The following ADGB variants were observed in gnomAD, a reference collection of about 807,000 sequenced individuals.
ADGB encodes androglobin.
A neutral mutation model predicts 210.5 loss-of-function variants in ADGB; 172 were observed. The observed-to-expected ratio is 0.82, with a 90% confidence interval of 0.72 to 0.93. The LOEUF is 0.93. ADGB is among the 40% of genes least tolerant of loss of function. The probability of loss-of-function intolerance (pLI) is 0.00; values close to 1 mark genes in which losing one functional copy is unlikely to be tolerated. For missense variants in ADGB, 2,025 were observed against 1,964.8 expected (o/e 1.03, Z -0.58); for synonymous variants, 658 against 662.7 (o/e 0.99, Z 0.11).
At chr6:146,625,113 A>G (rs1780953823) in intron 1 of ADGB, among the ~76,000 whole-genome samples, 1 of 152,026 alleles carries the variant, frequency 6.6e-6, no homozygotes, top group African/African-American at 2.4e-5. Flanking sequence ...TTTATCTTCT[A>G]TAGCCTTATT....
intron 5 of ADGB, among the ~76,000 whole-genome samples, chr6:146,658,203 A>G (rs1775810803): frequency 6.6e-6 from 1 of 152,140 alleles, no homozygotes; most frequent in African/African-American, 2.4e-5. Flanking sequence ...AATATCCAAA[A>G]TTGGATTTTT....
At chr6:146,738,603 C>G (rs557766496) in intron 23 of ADGB, among the ~76,000 whole-genome samples, 20 of 152,078 alleles carry the variant, frequency 1.3e-4, no homozygotes, top group Admixed American at 2.6e-4. Context: ...GTGCTACCAC[C>G]ATGCCCAGCT....
intron 27 of ADGB, among the ~76,000 whole-genome samples, chr6:146,762,121 G>A (rs1306735625): frequency 6.7e-6 from 1 of 150,302 alleles, no homozygotes; most frequent in Non-Finnish European, 1.5e-5. Flanking sequence ...GTCAAATAAG[G>A]TCACATTCTA....
At chr6:146,601,840 A>G (rs1466265352) in intron 1 of ADGB, among the ~76,000 whole-genome samples, 1 of 152,208 alleles carries the variant, frequency 6.6e-6, no homozygotes, top group East Asian at 1.9e-4. Flanking sequence ...CAACTAGCAC[A>G]TAAAAAAAGT....
Position 146,782,067 on chromosome 6 carries a change from T to C in ADGB, c.3910T>C (p.Ser1304Pro). ...GTTAATTAACTTAGGAAGCCCAGAC[T>C]CCCACACTATTAGTGAGGGACAAAA... ...EELINLGSPD[S>P]HTISEGQKSS... Residue 1304 changes from serine (S) to proline (P), a missense_variant, in exon 30 of 36, where the codon TCC becomes CCC. By Grantham distance (74) the Ser-to-Pro change is moderately conservative (BLOSUM62 -1). Transcript: ENST00000397944. 1 of 1,537,240 alleles carries C rather than the reference T, an allele frequency of 6.5e-7. No individual in the cohort carries two copies. Among genetic ancestry groups the C allele is most frequent in the Non-Finnish European group, 8.8e-7 (1 of 1,142,378 alleles).
intron 9 of ADGB, among the ~76,000 whole-genome samples, chr6:146,680,936 T>C (rs2114911553): frequency 6.6e-6 from 1 of 152,290 alleles, no homozygotes; most frequent in African/African-American, 2.4e-5. Flanking sequence ...AGCATGTGAA[T>C]TCTAAAGTTC....
intron 2 of ADGB, among the ~76,000 whole-genome samples, chr6:146,638,141 T>G (rs1255724945): frequency 6.6e-6 from 1 of 152,010 alleles, no homozygotes; most frequent in East Asian, 1.9e-4. Context: ...AAAAACCACA[T>G]GATTATCTCA....
chr6:146,776,403 T>A (rs1370339578), intron 29 of ADGB, among the ~76,000 whole-genome samples: 3 of 152,046 alleles, frequency 2.0e-5, no homozygotes, highest in Non-Finnish European at 4.4e-5. Context: ...CTAAATGAAA[T>A]TAGGAATTTA....
chr6:146,747,144 T>G (rs1353383701), intron 26 of ADGB, among the ~76,000 whole-genome samples: 1 of 152,174 alleles, frequency 6.6e-6, no homozygotes, highest in Non-Finnish European at 1.5e-5. Flanking sequence ...ATATAGGACC[T>G]AACACAGTGC....
At chr6:146,785,285 T>C (rs1054080045) in intron 31 of ADGB, among the ~76,000 whole-genome samples, 2 of 152,066 alleles carry the variant, frequency 1.3e-5, no homozygotes, top group East Asian at 3.9e-4. Context: ...ACTATTACCA[T>C]GTAAGTGCTT....
intron 5 of ADGB, among the ~76,000 whole-genome samples, chr6:146,663,352 G>A (rs1775893245): frequency 6.6e-6 from 1 of 151,416 alleles, no homozygotes; most frequent in Non-Finnish European, 1.5e-5. Flanking sequence ...TGAGATCAAG[G>A]CACTGGTAGA....
At chr6:146,674,651 G>A (rs761021105) in intron 8 of ADGB, among the ~76,000 whole-genome samples, 7 of 152,188 alleles carry the variant, frequency 4.6e-5, no homozygotes, top group African/African-American at 7.2e-5. Flanking sequence ...GGTGGAAGAT[G>A]TAGATTCTCA....
At chr6:146,778,860 A>G (rs978730513) in intron 29 of ADGB, among the ~76,000 whole-genome samples, 4 of 152,180 alleles carry the variant, frequency 2.6e-5, no homozygotes, top group Non-Finnish European at 5.9e-5. Context: ...CAGGGTAAGA[A>G]CTCTAAAAAT....
intron 11 of ADGB, 26 bp downstream of exon 11, chr6:146,691,316 C>G: frequency 6.7e-7 from 1 of 1,495,886 alleles, no homozygotes; most frequent in Non-Finnish European, 8.9e-7. Context: ...TCTTCAAATC[C>G]TTCTAATTAA....
At chr6:146,768,008 C>T (rs1030861166) in intron 28 of ADGB, among the ~76,000 whole-genome samples, 2 of 152,138 alleles carry the variant, frequency 1.3e-5, no homozygotes, top group African/African-American at 4.8e-5. Flanking sequence ...AGAAAACACC[C>T]AGGAATTAAC....
intron 9 of ADGB, among the ~76,000 whole-genome samples, chr6:146,681,550 CTT>C (rs1776157868): frequency 6.6e-6 from 1 of 152,104 alleles, no homozygotes; most frequent in Non-Finnish European, 1.5e-5. Context: ...ACTGCAACCT[CTT>C]TGTTGCAGCT....
chr6:146,668,945 G>A lies in ADGB; in HGVS notation c.839+2043G>A, dbSNP rs978388435. On this transcript the variant is annotated intron_variant, in intron 7 of 35. Coordinates refer to ENST00000397944, the MANE Select transcript of ADGB (RefSeq NM_024694.4). ...GGTCTCTCTGTGAACATAGCACTCTGCCACCCTGTCTTTAAGCCTAATCAT... is the reference window on the plus strand; with the variant it reads ...GGTCTCTCTGTGAACATAGCACTCTACCACCCTGTCTTTAAGCCTAATCAT... Among the ~76,000 whole-genome samples the A allele has an allele frequency of 3.6e-4, 55 of 152,050 alleles. 1 individual carries two copies.
chr6:146,780,344 C>T (rs1777780714), intron 29 of ADGB, among the ~76,000 whole-genome samples: 1 of 152,018 alleles, frequency 6.6e-6, no homozygotes, highest in Admixed American at 6.6e-5. Flanking sequence ...AGACATAAAT[C>T]CTATCTTAAT....
chr6:146,625,356 A>G lies in ADGB; in HGVS notation c.75-10019A>G, dbSNP rs541346900. Among the ~76,000 whole-genome samples the G allele has an allele frequency of 2.6e-5, 4 of 152,150 alleles. No individual in the cohort carries two copies. In the East Asian group the frequency reaches 5.8e-4, roughly 22 times the overall value. On this transcript the variant is annotated intron_variant, in intron 1 of 35. Coordinates refer to ENST00000397944, the MANE Select transcript of ADGB (RefSeq NM_024694.4). Reference sequence around the variant, plus strand: ...ACTGGTAATATTCTTTTTTTCTGAAATCTACTTTTTATAATGTTAGTTTTG... The same window carrying G: ...ACTGGTAATATTCTTTTTTTCTGAAGTCTACTTTTTATAATGTTAGTTTTG...
Sources: allele counts gnomAD v4.1 joint callset (sites outside exome capture counted in the v4.1 genomes callset), GRCh38; gene constraint gnomAD v4.1.1; transcripts MANE v1.5; gene names NCBI Gene and HGNC (gene_info 2026-07-23, HGNC 2026-07-21).